Variants in SLC24A2 observed in about 807,000 individuals in gnomAD.
The protein encoded by SLC24A2 is sodium/potassium/calcium exchanger 2.
In SLC24A2, 36 loss-of-function variants were observed where a neutral mutation model predicts 62.0. The observed-to-expected ratio is 0.58, with a 90% confidence interval of 0.44 to 0.77. The LOEUF (loss-of-function observed/expected upper bound fraction) is 0.77. Among genes scored for constraint, SLC24A2 ranks in the 30% least tolerant of loss-of-function variants. SLC24A2 has a pLI of 0.00. For synonymous variants in SLC24A2, 358 were observed against 294.0 expected (o/e 1.22, Z -2.23); for missense variants, 846 against 817.9 (o/e 1.03, Z -0.42).
chr9:20,265,330 A>C, the SLC24A2 span, among the ~76,000 whole-genome samples: 2 of 152,246 alleles, frequency 1.3e-5, no homozygotes, highest in Non-Finnish European at 2.9e-5. Context: ...TGTTGCGGGA[A>C]GTCAGGGACC....
chr9:19,788,174 G>A (rs963351905), intron 1 of SLC24A2, among the ~76,000 whole-genome samples: 43 of 152,184 alleles, frequency 2.8e-4, no homozygotes, highest in Non-Finnish European at 5.0e-4. Context: ...CAAAGCAAGA[G>A]CACAAATCAA....
the SLC24A2 span, among the ~76,000 whole-genome samples, chr9:20,103,840 C>G: frequency 6.6e-6 from 1 of 152,008 alleles, no homozygotes; most frequent in African/African-American, 2.4e-5. Flanking sequence ...CGGAACAAAG[C>G]TGGATGGAGA....
the SLC24A2 span, among the ~76,000 whole-genome samples, chr9:19,981,647 T>C: frequency 6.6e-6 from 1 of 152,180 alleles, no homozygotes; most frequent in Non-Finnish European, 1.5e-5. Flanking sequence ...CTTTAAGGGA[T>C]GACTCTGTTT....
At chr9:19,798,598 C>CCACA in the SLC24A2 span, among the ~76,000 whole-genome samples, 7,092 of 146,406 alleles carry the variant, frequency 0.048, 248 homozygotes, top group African/African-American at 0.098. Flanking sequence ...ATCCTTTATA[C>CCACA]CACACACACA....
chr9:19,914,000 G>C, the SLC24A2 span, among the ~76,000 whole-genome samples: 1 of 152,022 alleles, frequency 6.6e-6, no homozygotes, highest in Admixed American at 6.5e-5. Context: ...ATCAGCGGTG[G>C]TATGCCCAAT....
chr9:19,872,224 C>T, the SLC24A2 span, among the ~76,000 whole-genome samples: 6 of 152,158 alleles, frequency 3.9e-5, no homozygotes, highest in African/African-American at 9.7e-5. Flanking sequence ...GAGATTCAGG[C>T]AGTTACTCAG....
chr9:19,800,230 A>G, the SLC24A2 span, among the ~76,000 whole-genome samples: 5 of 152,208 alleles, frequency 3.3e-5, no homozygotes, highest in Admixed American at 2.6e-4. Flanking sequence ...CTTGTGGAAT[A>G]GAAGTCCAGG....
chr9:19,654,823 G>A (rs1368843381), intron 2 of SLC24A2, among the ~76,000 whole-genome samples: 1 of 152,080 alleles, frequency 6.6e-6, no homozygotes, highest in Non-Finnish European at 1.5e-5. Context: ...TAAATGCCTG[G>A]CACAGGCTCT....
chr9:19,640,697 T>C (rs1331479602), intron 2 of SLC24A2, among the ~76,000 whole-genome samples: 1 of 152,246 alleles, frequency 6.6e-6, no homozygotes. Flanking sequence ...TACCTTGCAC[T>C]TGAATCTTCC....
At chr9:19,923,402 G>T in the SLC24A2 span, among the ~76,000 whole-genome samples, 1 of 152,148 alleles carries the variant, frequency 6.6e-6, no homozygotes, top group African/African-American at 2.4e-5. Flanking sequence ...CAGTATCTTA[G>T]AATGGAGGAG....
chr9:19,696,663 G>A (rs769514611), intron 2 of SLC24A2, among the ~76,000 whole-genome samples: 7 of 151,948 alleles, frequency 4.6e-5, no homozygotes, highest in East Asian at 1.9e-4. Context: ...AATATCATCC[G>A]AAAGATAAAA....
At chr9:19,979,440 A>T in the SLC24A2 span, among the ~76,000 whole-genome samples, 5 of 152,204 alleles carry the variant, frequency 3.3e-5, no homozygotes, top group African/African-American at 1.2e-4. Flanking sequence ...GGATACGCTT[A>T]TGGGTGCACA....
intron 8 of SLC24A2, among the ~76,000 whole-genome samples, chr9:19,529,997 C>T (rs1833624425): frequency 6.6e-6 from 1 of 151,784 alleles, no homozygotes; most frequent in Admixed American, 6.6e-5. Flanking sequence ...AGATGATCTG[C>T]CTGCTTCAGC....
At chr9:20,261,133 C>T in the SLC24A2 span, among the ~76,000 whole-genome samples, 1 of 152,058 alleles carries the variant, frequency 6.6e-6, no homozygotes, top group African/African-American at 2.4e-5. Flanking sequence ...GCTGGGATTA[C>T]AGGCACGAGC....
intron 2 of SLC24A2, among the ~76,000 whole-genome samples, chr9:19,623,683 A>C (rs1456081712): frequency 6.6e-6 from 1 of 152,238 alleles, no homozygotes; most frequent in East Asian, 1.9e-4. Flanking sequence ...TCAACACTTA[A>C]TGAGGTTGAT....
At chr9:19,837,112 G>T in the SLC24A2 span, among the ~76,000 whole-genome samples, 1 of 152,096 alleles carries the variant, frequency 6.6e-6, no homozygotes, top group Non-Finnish European at 1.5e-5. Flanking sequence ...CAAACCCACA[G>T]CCAATATCAT....
At chr9:20,304,713 C>G in the SLC24A2 span, among the ~76,000 whole-genome samples, 15 of 152,120 alleles carry the variant, frequency 9.9e-5, no homozygotes, top group Admixed American at 2.0e-4. Context: ...GAACACAATC[C>G]TTATATAAAA....
chr9:19,517,948 C>T (rs1430498651), intron 10 of SLC24A2, among the ~76,000 whole-genome samples: 3 of 150,176 alleles, frequency 2.0e-5, no homozygotes, highest in African/African-American at 4.9e-5. Context: ...CACACACACA[C>T]ACACACACAC....
At chr9:20,219,026 A>G in the SLC24A2 span, among the ~76,000 whole-genome samples, 20,669 of 152,192 alleles carry the variant, frequency 0.14, 1,650 homozygotes, top group African/African-American at 0.21. Context: ...AGAAAGGACA[A>G]GAATTAGGGA....
Sources: gnomAD v4.1 joint callset for allele counts (sites outside exome capture counted in the v4.1 genomes callset) on GRCh38, gnomAD v4.1.1 for gene constraint, MANE v1.5 for transcripts, NCBI Gene and HGNC (gene_info 2026-07-23, HGNC 2026-07-21) for gene names.